Variants in IMMP2L observed in about 807,000 individuals in gnomAD.
The protein encoded by IMMP2L is mitochondrial inner membrane protease subunit 2.
A neutral mutation model predicts 19.3 loss-of-function variants in IMMP2L; 18 were observed. The observed-to-expected ratio is 0.93, with a 90% CI of 0.64 to 1.38. The LOEUF (loss-of-function observed/expected upper bound fraction) is 1.38. Ranked by LOEUF, IMMP2L falls within the 40% of genes most tolerant of loss-of-function variation. IMMP2L has a pLI of 0.00. For missense variants in IMMP2L, 233 were observed against 218.2 expected (o/e 1.07, Z -0.43); for synonymous variants, 76 against 73.0 (o/e 1.04, Z -0.21).
chr7:111,411,374 T>C, intron 3 of IMMP2L: 1 of 458,666 alleles, frequency 2.2e-6, no homozygotes. Flanking sequence ...ATTCTCAAGA[T>C]CAAGTTCAAA....
chr7:111,403,444 C>T (rs566986938), intron 3 of IMMP2L, among the ~76,000 whole-genome samples: 230 of 149,018 alleles, frequency 1.5e-3, no homozygotes, highest in African/African-American at 5.3e-3. Context: ...TAATACAGCC[C>T]AGGTATATAT....
rs1226484195 is a variant in IMMP2L, at chr7:111,016,534, ATATAT to A, written c.240-52974_240-52970del. ...ATTTTATATTATATATGTATATATTATATATTATAATATATAGTATATATAATATA... is the reference window on the plus strand; with the variant it reads ...ATTTTATATTATATATGTATATATTATATAATATATAGTATATATAATATA... On this transcript the variant is annotated intron_variant, in intron 3 of 5. Coordinates refer to ENST00000405709, the MANE Select transcript of IMMP2L (RefSeq NM_032549.4). Among the ~76,000 whole-genome samples, 8 of 120,788 alleles carry A rather than the reference ATATAT, an allele frequency of 6.6e-5. No homozygotes were observed. In the East Asian group the frequency reaches 9.1e-4, roughly 14 times the overall value. 79.2% of individuals were successfully genotyped at this position (120,788 alleles called of 152,430 possible). A position where few individuals can be genotyped will look rare whatever the true frequency, so the allele number is the denominator to read the frequency against.
intron 4 of IMMP2L, among the ~76,000 whole-genome samples, chr7:110,914,404 T>C (rs1813372846): frequency 6.6e-6 from 1 of 152,198 alleles, no homozygotes; most frequent in Non-Finnish European, 1.5e-5. Flanking sequence ...CCATTTCTAC[T>C]ATTAATCATC....
chr7:111,197,124 C>A (rs548232779), intron 3 of IMMP2L, among the ~76,000 whole-genome samples: 1 of 151,944 alleles, frequency 6.6e-6, no homozygotes, highest in East Asian at 1.9e-4. Flanking sequence ...GAGGAAGTAC[C>A]AACTCTTACA....
intron 3 of IMMP2L, among the ~76,000 whole-genome samples, chr7:111,216,074 C>T: frequency 6.6e-6 from 1 of 152,154 alleles, no homozygotes; most frequent in East Asian, 1.9e-4. Context: ...CATCTTCATT[C>T]TCTCTTGGAA....
intron 4 of IMMP2L, among the ~76,000 whole-genome samples, chr7:110,905,849 A>G (rs536686990): frequency 1.3e-5 from 2 of 152,330 alleles, no homozygotes; most frequent in African/African-American, 4.8e-5. Flanking sequence ...TAATCATAAC[A>G]CTGAATTATA....
intron 3 of IMMP2L, among the ~76,000 whole-genome samples, chr7:111,377,673 CATTTT>C (rs1301965768): frequency 4.6e-5 from 7 of 152,080 alleles, no homozygotes; most frequent in African/African-American, 1.7e-4. Context: ...GATATAACCA[CATTTT>C]ATCTAATAAA....
At chr7:110,818,052 G>A (rs1164729303) in intron 5 of IMMP2L, among the ~76,000 whole-genome samples, 2 of 151,964 alleles carry the variant, frequency 1.3e-5, no homozygotes, top group East Asian at 3.9e-4. Flanking sequence ...CATAGGCATG[G>A]GCAAGGACTT....
intron 3 of IMMP2L, among the ~76,000 whole-genome samples, chr7:111,111,315 A>C (rs1354051128): frequency 6.6e-6 from 1 of 151,620 alleles, no homozygotes; most frequent in Non-Finnish European, 1.5e-5. Context: ...AAAAAAAAAA[A>C]AAAAAAAGTT....
In IMMP2L at chr7:111,231,260, C is replaced by T. The variant is rs551673132; in HGVS notation, c.239+255978G>A. On this transcript the variant is annotated intron_variant, in intron 3 of 5. Coordinates refer to ENST00000405709, the MANE Select transcript of IMMP2L (RefSeq NM_032549.4). ...CACCATCATCTATTTGCTGCTACTA[C>T]AATTAATGCATTAGTGCTTAACAAA... 4.6e-5 allele frequency among the ~76,000 whole-genome samples: 7 copies of T among 152,020 alleles called. No individual in the cohort carries two copies. The East Asian group carries it at 1.2e-3, about 25-fold the overall frequency.
chr7:111,511,462 T>C (rs144779525), intron 2 of IMMP2L, among the ~76,000 whole-genome samples: 2 of 151,634 alleles, frequency 1.3e-5, no homozygotes, highest in African/African-American at 4.9e-5. Flanking sequence ...CTGGGCAACA[T>C]GGTGAAACCC....
At chr7:110,873,309 A>C (rs142258367) in intron 5 of IMMP2L, among the ~76,000 whole-genome samples, 1 of 151,114 alleles carries the variant, frequency 6.6e-6, no homozygotes, top group East Asian at 2.0e-4. Context: ...TGTAGTTCCT[A>C]GTTCCAGCTA....
At chr7:111,031,745 T>C (rs573338165) in intron 3 of IMMP2L, among the ~76,000 whole-genome samples, 9 of 152,162 alleles carry the variant, frequency 5.9e-5, no homozygotes, top group African/African-American at 1.7e-4. Flanking sequence ...AATTATAGTA[T>C]AGAAAGAAGA....
chr7:111,105,255 G>A (rs923546819), intron 3 of IMMP2L, among the ~76,000 whole-genome samples: 6 of 151,796 alleles, frequency 4.0e-5, no homozygotes, highest in Non-Finnish European at 8.8e-5. Context: ...CAAAACAGAT[G>A]TCAAATAACC....
chr7:111,218,061 T>C (rs756906163), intron 3 of IMMP2L, among the ~76,000 whole-genome samples: 4 of 152,100 alleles, frequency 2.6e-5, no homozygotes, highest in Admixed American at 6.6e-5. Context: ...GATTCTATGA[T>C]GGACAGAAAA....
intron 5 of IMMP2L, among the ~76,000 whole-genome samples, chr7:110,734,915 A>G (rs1185565230): frequency 1.3e-5 from 2 of 152,202 alleles, no homozygotes; most frequent in African/African-American, 4.8e-5. Flanking sequence ...AGTTAAGTAG[A>G]GTGTTGTGAC....
At chr7:111,500,147 CAGG>C (rs1293723619) in intron 2 of IMMP2L, among the ~76,000 whole-genome samples, 5 of 152,162 alleles carry the variant, frequency 3.3e-5, no homozygotes, top group Non-Finnish European at 7.4e-5. Flanking sequence ...AACGGCATAC[CAGG>C]AGATTATATC....
chr7:111,006,289 T>A (rs2129562165), intron 3 of IMMP2L, among the ~76,000 whole-genome samples: 1 of 152,068 alleles, frequency 6.6e-6, no homozygotes, highest in Non-Finnish European at 1.5e-5. Flanking sequence ...AAGTGTAAGG[T>A]GATTGATGTG....
chr7:111,488,961 T>G (rs1842874103), intron 2 of IMMP2L, among the ~76,000 whole-genome samples: 2 of 152,004 alleles, frequency 1.3e-5, no homozygotes, highest in African/African-American at 2.4e-5. Flanking sequence ...TTAAAGATGT[T>G]GAAGATTTTT....
Sources: allele counts gnomAD v4.1 joint callset (sites outside exome capture counted in the v4.1 genomes callset), GRCh38; gene constraint gnomAD v4.1.1; transcripts MANE v1.5; gene names NCBI Gene and HGNC (gene_info 2026-07-23, HGNC 2026-07-21).